The following PCSK2 variants were observed in gnomAD, a reference collection of about 807,000 sequenced individuals.
The protein encoded by PCSK2 is proprotein convertase subtilisin/kexin type 2.
PCSK2 carries 14 observed loss-of-function variants against 69.7 expected under a neutral mutation model. That is an observed-to-expected ratio of 0.20 (90% CI 0.13 to 0.31). The LOEUF (loss-of-function observed/expected upper bound fraction) is 0.31, where lower values mean the gene tolerates loss of function less well. Among genes scored for constraint, PCSK2 ranks in the 10% least tolerant of loss-of-function variants. The probability of loss-of-function intolerance (pLI) is 1.00; values close to 1 mark genes in which losing one functional copy is unlikely to be tolerated. For missense variants in PCSK2, 544 were observed against 842.5 expected (o/e 0.65, Z 4.39); for synonymous variants, 307 against 320.7 (o/e 0.96, Z 0.46).
At chr20:17,237,379 T>C (rs1986382621) in intron 1 of PCSK2, among the ~76,000 whole-genome samples, 1 of 152,210 alleles carries the variant, frequency 6.6e-6, no homozygotes, top group South Asian at 2.1e-4. Flanking sequence ...AATAGGATTG[T>C]CAAGGAAGAC....
intron 11 of PCSK2, among the ~76,000 whole-genome samples, chr20:17,468,312 A>G (rs1412667533): frequency 3.6e-4 from 49 of 134,496 alleles, no homozygotes; most frequent in Non-Finnish European, 6.3e-4. Flanking sequence ...TGCCGTAGAC[A>G]GGCAGCCTAC....
chr20:17,316,416 C>T lies in PCSK2; in HGVS notation c.283-41911C>T, dbSNP rs192383968. Among the ~76,000 whole-genome samples the T allele has an allele frequency of 3.9e-5, 6 of 152,318 alleles. No homozygotes were observed. In the East Asian group the frequency reaches 9.6e-4, roughly 24 times the overall value. ...ACATAGAGGTGAAATATCATGTAAG[C>T]AAGCACTTGTATAATTTTCTTCAGA... On this transcript the variant is annotated intron_variant, in intron 2 of 11. Transcript: ENST00000262545.
chr20:17,321,977 C>T (rs1989882173), intron 2 of PCSK2, among the ~76,000 whole-genome samples: 1 of 152,074 alleles, frequency 6.6e-6, no homozygotes, highest in African/African-American at 2.4e-5. Context: ...CTCTCTGCTA[C>T]AGTACCTGGC....
At chr20:17,397,269 C>A (rs1336558024) in intron 5 of PCSK2, among the ~76,000 whole-genome samples, 2 of 152,180 alleles carry the variant, frequency 1.3e-5, no homozygotes, top group Non-Finnish European at 1.5e-5. Context: ...CTCATTCCTG[C>A]AGCTTGGCAT....
At chr20:17,414,292 A>G (rs1243846109) in intron 6 of PCSK2, among the ~76,000 whole-genome samples, 2 of 152,222 alleles carry the variant, frequency 1.3e-5, no homozygotes, top group Non-Finnish European at 2.9e-5. Context: ...CACTAGCAAG[A>G]CTAATAAAGA....
At chr20:17,246,387 G>C (rs1986772150) in intron 1 of PCSK2, among the ~76,000 whole-genome samples, 1 of 152,116 alleles carries the variant, frequency 6.6e-6, no homozygotes, top group Non-Finnish European at 1.5e-5. Flanking sequence ...GAATTGACTG[G>C]GGATATTCAG....
chr20:17,436,124 T>C (rs1026925394), intron 7 of PCSK2, among the ~76,000 whole-genome samples: 12 of 152,208 alleles, frequency 7.9e-5, no homozygotes, highest in African/African-American at 2.2e-4. Flanking sequence ...ACAGAATTAC[T>C]AATACAGTTT....
chr20:17,299,153 A>G (rs1013480490), intron 2 of PCSK2, among the ~76,000 whole-genome samples: 1 of 152,196 alleles, frequency 6.6e-6, no homozygotes, highest in East Asian at 1.9e-4. Flanking sequence ...TCTGAGATCA[A>G]CATTTTCCTA....
chr20:17,358,688 T>C (rs1242320792), intron 3 of PCSK2, among the ~76,000 whole-genome samples: 2 of 152,242 alleles, frequency 1.3e-5, no homozygotes, highest in African/African-American at 4.8e-5. Context: ...ACTAGTGGAA[T>C]TCTCTTCAGT....
chr20:17,337,380 G>A (rs757371179), intron 2 of PCSK2, among the ~76,000 whole-genome samples: 13 of 152,274 alleles, frequency 8.5e-5, no homozygotes, highest in South Asian at 2.1e-4. Flanking sequence ...CAGTTTTTGC[G>A]ATGTTCTTAG....
intron 2 of PCSK2, among the ~76,000 whole-genome samples, chr20:17,265,871 C>G (rs544791982): frequency 5.0e-4 from 76 of 152,112 alleles, no homozygotes; most frequent in Middle Eastern, 6.8e-3. Flanking sequence ...CAAAATAGAC[C>G]CAGAGAGAGA....
At chr20:17,437,141 G>T (rs964732424) in intron 8 of PCSK2, among the ~76,000 whole-genome samples, 6 of 127,400 alleles carry the variant, frequency 4.7e-5, no homozygotes, top group South Asian at 2.7e-4. Context: ...AGGGGCCGGG[G>T]GGGGGAGGGT....
chr20:17,274,050 C>T (rs1987965498), intron 2 of PCSK2, among the ~76,000 whole-genome samples: 2 of 152,098 alleles, frequency 1.3e-5, no homozygotes, highest in African/African-American at 4.8e-5. Context: ...TGTGGTTCTC[C>T]CATGTGCTCA....
intron 5 of PCSK2, among the ~76,000 whole-genome samples, chr20:17,387,107 T>C (rs1174929971): frequency 6.6e-6 from 1 of 152,180 alleles, no homozygotes; most frequent in Non-Finnish European, 1.5e-5. Context: ...CCTGCCTCTA[T>C]ATTTAGTTAC....
intron 1 of PCSK2, among the ~76,000 whole-genome samples, chr20:17,251,348 A>G (rs1348632588): frequency 1.3e-5 from 2 of 152,354 alleles, no homozygotes; most frequent in Non-Finnish European, 2.9e-5. Flanking sequence ...TTATCACACG[A>G]AATATTTATG....
intron 11 of PCSK2, among the ~76,000 whole-genome samples, chr20:17,477,425 A>G (rs1272507106): frequency 6.6e-6 from 1 of 152,028 alleles, no homozygotes; most frequent in Non-Finnish European, 1.5e-5. Context: ...CGAGGTATGA[A>G]TATTTTTTTC....
chr20:17,330,576 C>A (rs1990182986), intron 2 of PCSK2, among the ~76,000 whole-genome samples: 1 of 152,032 alleles, frequency 6.6e-6, no homozygotes, highest in African/African-American at 2.4e-5. Flanking sequence ...AAGATCGCAC[C>A]ACTGCACTCC....
At position 17,408,383 on chromosome 20, in the gene PCSK2, C is replaced by T. The variant is rs1319873612; in HGVS notation, c.544-880C>T. Among the ~76,000 whole-genome samples, 6 of 151,758 alleles carry T rather than the reference C, an allele frequency of 4.0e-5. No homozygotes were observed. In the East Asian group the frequency reaches 5.8e-4, roughly 15 times the overall value. ...GAATAAAAGGCAAACCAACTAAAGA[C>T]CTAAATGTTAAAGAAAAAAAAAACC... is the stretch of plus-strand genomic sequence containing the variant. On this transcript the variant is annotated intron_variant, in intron 5 of 11. Transcript: ENST00000262545.
intron 2 of PCSK2, among the ~76,000 whole-genome samples, chr20:17,262,360 C>A (rs991103265): frequency 2.0e-5 from 3 of 152,058 alleles, no homozygotes; most frequent in African/African-American, 7.2e-5. Flanking sequence ...TATCCTATAT[C>A]TTTTCCCTAT....
Sources: gnomAD v4.1 joint callset for allele counts (sites outside exome capture counted in the v4.1 genomes callset) on GRCh38, gnomAD v4.1.1 for gene constraint, MANE v1.5 for transcripts, NCBI Gene and HGNC (gene_info 2026-07-23, HGNC 2026-07-21) for gene names.